The following USP13 variants were observed in gnomAD, a reference collection of about 807,000 sequenced individuals.
USP13 encodes ubiquitin specific peptidase 13.
USP13 carries 68 observed loss-of-function variants against 107.8 expected under a neutral mutation model. The observed-to-expected ratio is 0.63, with a 90% CI of 0.52 to 0.77. The LOEUF is 0.77. Ranked by LOEUF, USP13 falls within the 30% of genes least tolerant of loss-of-function variation. USP13 has a pLI of 0.00. For missense variants in USP13, 945 were observed against 1,093.3 expected (o/e 0.86, Z 1.91); for synonymous variants, 377 against 389.5 (o/e 0.97, Z 0.38).
At position 179,709,065 on chromosome 3, in the gene USP13, C is replaced by T. The variant is rs549076030; in HGVS notation, c.805+108C>T. 934 of 1,323,778 alleles carry T rather than the reference C, an allele frequency of 7.1e-4. 1 individual carries two copies. The highest frequency in any genetic ancestry group is 8.8e-4 in the Non-Finnish European group (865 of 982,264). 82.0% of individuals were successfully genotyped at this position (1,323,778 alleles called of 1,614,324 possible). ...GGTGCAGGCTCTGGATGCAGACAGC[C>T]CAGGTTTGAATTCTAATTCTGCCTC... On this transcript the variant is annotated intron_variant, in intron 6 of 20. Coordinates refer to ENST00000263966, the MANE Select transcript of USP13 (RefSeq NM_003940.3).
chr3:179,724,441 A>G (rs1966758), intron 8 of USP13, among the ~76,000 whole-genome samples: 102,121 of 146,634 alleles, frequency 0.7, 35,854 homozygotes, highest in Admixed American at 0.76. Context: ...CTGGGCAACC[A>G]AGTGAGACTC....
At chr3:179,699,341 C>T (rs778716314) in intron 3 of USP13, among the ~76,000 whole-genome samples, 1 of 152,148 alleles carries the variant, frequency 6.6e-6, no homozygotes, top group Non-Finnish European at 1.5e-5. Flanking sequence ...ATGAACCTCA[C>T]TTCTATTGCT....
Position 179,721,464 on chromosome 3 carries a change from G to A in USP13, c.963G>A (p.Gln321=). 6.2e-7 allele frequency: 1 copy of A among 1,614,158 alleles called. No homozygotes were observed. The highest frequency in any genetic ancestry group is 1.6e-4 in the Middle Eastern group (1 of 6,062). Residue 321 remains glutamine (Q), a synonymous_variant, in exon 8 of 21, where the codon CAG becomes CAA. Transcript: ENST00000263966. The surrounding 1 kb of genome is among the most constrained non-coding windows in gnomAD (Gnocchi z 4.3). ...GGGTCAGTGAGTGGGAAGTGATCCAGGAGTCGGGCACGAAACTGAAGCCAA... is the reference window on the plus strand; with the variant it reads ...GGGTCAGTGAGTGGGAAGTGATCCAAGAGTCGGGCACGAAACTGAAGCCAA... ...KLRVSEWEVI[Q]ESGTKLKPMY... is the part of the protein sequence containing the mutation.
intron 8 of USP13, among the ~76,000 whole-genome samples, chr3:179,728,987 G>GGAGAGA (rs1168819990): frequency 6.6e-6 from 1 of 151,848 alleles, no homozygotes; most frequent in African/African-American, 2.4e-5. Context: ...AGAGGAAGAG[G>GGAGAGA]GAGAGGGAGA....
intron 19 of USP13, among the ~76,000 whole-genome samples, chr3:179,767,442 T>TTTTA: frequency 1.3e-5 from 2 of 151,552 alleles, no homozygotes; most frequent in African/African-American, 4.9e-5. Flanking sequence ...TTTTTTTTTT[T>TTTTA]GAGACAGAGT....
chr3:179,752,177 G>A, intron 13 of USP13, 108 bp from the exon 14 acceptor site: 1 of 878,466 alleles, frequency 1.1e-6, no homozygotes, highest in Non-Finnish European at 1.9e-6. Context: ...CTTCAGTTCA[G>A]CCATTGGAAT....
At chr3:179,685,937 T>C (rs987935058) in intron 2 of USP13, among the ~76,000 whole-genome samples, 2 of 152,222 alleles carry the variant, frequency 1.3e-5, no homozygotes, top group Admixed American at 1.3e-4. Context: ...CTGAACTGAC[T>C]TTTATTCTCC....
chr3:179,712,092 C>A (rs918554636), intron 6 of USP13, among the ~76,000 whole-genome samples: 7 of 152,072 alleles, frequency 4.6e-5, no homozygotes, highest in African/African-American at 1.7e-4. Flanking sequence ...CCATTGTTGA[C>A]CAAAATGTTG....
intron 2 of USP13, among the ~76,000 whole-genome samples, chr3:179,688,828 T>C (rs968604002): frequency 6.6e-6 from 1 of 152,228 alleles, no homozygotes; most frequent in Non-Finnish European, 1.5e-5. Context: ...ATTTCATCCC[T>C]TTTTGAAGCA....
Position 179,742,274 on chromosome 3 carries a change from C to A in USP13, c.1458C>A (p.Thr486=). The change falls in exon 12 of 21, where the codon ACC becomes ACA. Residue 486 remains threonine (T), a synonymous_variant. Transcript: ENST00000263966. This position sits in a 1 kb window ranked among gnomAD's most constrained non-coding sequence, Gnocchi z 5.0. ...LVEERIQCCQ[T]RKVRYTERVD... is the part of the protein sequence containing the mutation. ...AAGAACGCATTCAGTGCTGTCAGAC[C>A]CGGAAAGTCCGCTACACGGAGAGGG... is the stretch of plus-strand genomic sequence containing the variant. The A allele has an allele frequency of 6.2e-7, 1 of 1,614,166 alleles. No homozygotes were observed. The highest frequency in any genetic ancestry group is 1.1e-5 in the South Asian group (1 of 91,076).
intron 1 of USP13, among the ~76,000 whole-genome samples, chr3:179,658,622 AT>A (rs1286784084): frequency 6.6e-6 from 1 of 152,218 alleles, no homozygotes; most frequent in African/African-American, 2.4e-5. Context: ...AGAGTGAGTT[AT>A]GGAGCTGGCT....
At chr3:179,668,957 C>T (rs145045692) in intron 1 of USP13, among the ~76,000 whole-genome samples, 84 of 152,288 alleles carry the variant, frequency 5.5e-4, no homozygotes, top group African/African-American at 1.9e-3. Context: ...TATTGGAACA[C>T]TCATGTCTTT....
Position 179,707,083 on chromosome 3 carries a change from G to C in USP13, c.620+7G>C. The stretch of plus-strand genomic sequence containing the variant: ...GAGTCAGGATTCCTCCAAGGTGAGA[G>C]TCAGATAGCAGAATGGAACTTTACT... On this transcript the variant is annotated splice_region_variant and intron_variant, in intron 5 of 20. Coordinates refer to ENST00000263966, the MANE Select transcript of USP13 (RefSeq NM_003940.3). The C allele has an allele frequency of 6.2e-7, 1 of 1,611,668 alleles. No individual in the cohort carries two copies. Among genetic ancestry groups the C allele is most frequent in the Non-Finnish European group, 8.5e-7 (1 of 1,179,208 alleles).
At chr3:179,688,980 T>C (rs978883094) in intron 2 of USP13, among the ~76,000 whole-genome samples, 1 of 152,216 alleles carries the variant, frequency 6.6e-6, no homozygotes, top group Non-Finnish European at 1.5e-5. Context: ...AGATGTGAAC[T>C]GTAAACCTGT....
At chr3:179,702,795 A>ATT (rs1712581517) in intron 4 of USP13, among the ~76,000 whole-genome samples, 1 of 152,226 alleles carries the variant, frequency 6.6e-6, no homozygotes. Flanking sequence ...ATTAGTGGAC[A>ATT]AAATGGCCTT....
At position 179,742,183 on chromosome 3, in the gene USP13, A is replaced by G; in HGVS notation, c.1381-14A>G. 1 of 1,614,196 alleles carries G rather than the reference A, an allele frequency of 6.2e-7. No homozygotes were observed. The highest frequency in any genetic ancestry group is 1.6e-4 in the Middle Eastern group (1 of 6,062). Reference sequence around the variant, plus strand: ...ATTCATACATTTACTAACCTGATACAATCCATCCTTCAGAGGAACCGCATC... The same window carrying G: ...ATTCATACATTTACTAACCTGATACGATCCATCCTTCAGAGGAACCGCATC... On this transcript the variant is annotated splice_polypyrimidine_tract_variant and intron_variant, in intron 11 of 20. Transcript: ENST00000263966. This position sits in a 1 kb window ranked among gnomAD's most constrained non-coding sequence, Gnocchi z 5.0.
chr3:179,728,348 G>A (rs1355792933), intron 8 of USP13, among the ~76,000 whole-genome samples: 5 of 148,352 alleles, frequency 3.4e-5, no homozygotes, highest in African/African-American at 1.2e-4. Context: ...CGGACGGGGC[G>A]GCAGGGCAGA....
intron 1 of USP13, among the ~76,000 whole-genome samples, chr3:179,667,212 C>T (rs6443664): frequency 0.57 from 86,832 of 151,582 alleles, 25,204 homozygotes; most frequent in Non-Finnish European, 0.61. Flanking sequence ...ATCTTTTACT[C>T]GGTAATTCTG....
chr3:179,747,177 C>G (rs1714440735), intron 13 of USP13, among the ~76,000 whole-genome samples: 1 of 152,056 alleles, frequency 6.6e-6, no homozygotes, highest in Admixed American at 6.5e-5. Context: ...TGTGTCCTTG[C>G]AGATAACAGT....
Sources: allele counts gnomAD v4.1 joint callset (sites outside exome capture counted in the v4.1 genomes callset), GRCh38; gene constraint gnomAD v4.1.1; non-coding constraint Gnocchi (gnomAD v3.1); transcripts MANE v1.5; gene names NCBI Gene and HGNC (gene_info 2026-07-23, HGNC 2026-07-21).